Variants in SPINK1 observed in about 807,000 individuals in gnomAD.
The protein encoded by SPINK1 is serine peptidase inhibitor Kazal type 1.
A neutral mutation model predicts 9.5 loss-of-function variants in SPINK1; 5 were observed. That is an observed-to-expected ratio of 0.52 (90% confidence interval 0.27 to 1.10). The LOEUF is 1.10. Among genes scored for constraint, SPINK1 ranks in the 50% least tolerant of loss-of-function variants. The pLI is 0.11. For synonymous variants in SPINK1, 37 were observed against 32.3 expected (o/e 1.14, Z -0.49); for missense variants, 88 against 92.7 (o/e 0.95, Z 0.21).
upstream of SPINK1, among the ~76,000 whole-genome samples, chr5:147,836,555 G>A (rs1167643152): frequency 1.3e-5 from 2 of 152,028 alleles, no homozygotes; most frequent in African/African-American, 4.8e-5. Flanking sequence ...ACACAGTCAA[G>A]TACACTGTTA....
chr5:147,828,934 C>T (rs1022524491), intron 2 of SPINK1, among the ~76,000 whole-genome samples: 10 of 151,606 alleles, frequency 6.6e-5, no homozygotes, highest in African/African-American at 1.5e-4. Context: ...TCAGTTACTT[C>T]GGAGCACCCT....
At chr5:147,838,950 A>G in the SPINK1 span, among the ~76,000 whole-genome samples, 1 of 151,962 alleles carries the variant, frequency 6.6e-6, no homozygotes, top group African/African-American at 2.4e-5. Context: ...TCTGCCTCTC[A>G]CCAACACTGT....
At chr5:147,838,541 A>G in the SPINK1 span, among the ~76,000 whole-genome samples, 2 of 152,178 alleles carry the variant, frequency 1.3e-5, no homozygotes, top group South Asian at 2.1e-4. Context: ...GATGTGTTGT[A>G]TATGTCTCCA....
the SPINK1 span, among the ~76,000 whole-genome samples, chr5:147,836,766 T>C: frequency 1.3e-5 from 2 of 152,206 alleles, no homozygotes; most frequent in Non-Finnish European, 2.9e-5. Context: ...AACTTACAAA[T>C]GTATGTTACT....
upstream of SPINK1, among the ~76,000 whole-genome samples, chr5:147,836,087 T>G (rs1362269235): frequency 6.6e-6 from 1 of 152,092 alleles, no homozygotes; most frequent in Non-Finnish European, 1.5e-5. Flanking sequence ...ATAATTACAT[T>G]GATTACATCC....
At position 147,824,701 on chromosome 5, in the gene SPINK1, C is replaced by T. The variant is rs35523678; in HGVS notation, c.200G>A (p.Arg67His). Residue 67 changes from arginine (R) to histidine (H), a missense_variant, in exon 4 of 4, where the codon CGC becomes CAC. Coordinates refer to ENST00000296695, the MANE Select transcript of SPINK1 (RefSeq NM_001379610.1). ...TTTTTGAATGAGGATAGAAGTCTGG[C>T]GTTTCCTGCAGTAGAGATTAAAAAA... ...ECVLCFENRK[R>H]QTSILIQKSG... 3,172 of 1,613,846 alleles carry T rather than the reference C, an allele frequency of 2.0e-3. 42 individuals carry two copies. In the African/African-American group the frequency reaches 0.033, roughly 17 times the overall value.
the SPINK1 span, among the ~76,000 whole-genome samples, chr5:147,838,085 A>T: frequency 6.6e-6 from 1 of 152,134 alleles, no homozygotes; most frequent in African/African-American, 2.4e-5. Context: ...AATGCCTCCC[A>T]TCAGCTCTTT....
In SPINK1 at chr5:147,824,670, C is replaced by T. The variant is rs34809998; in HGVS notation, c.231G>A (p.Gly77=). ...RQTSILIQKS[G]PC ...TTCAAAACCTTGGTTCTCAGCAAGG[C>T]CCAGATTTTTGAATGAGGATAGAAG... The change falls in exon 4 of 4, where the codon GGG becomes GGA. Residue 77 remains glycine (G), a synonymous_variant. Transcript: ENST00000296695. 2,364 of 1,613,948 alleles carry T rather than the reference C, an allele frequency of 1.5e-3. 36 individuals are homozygous for T. The African/African-American group carries it at 0.029, about 20-fold the overall frequency.
At chr5:147,831,737 A>G (rs940322945), upstream of SPINK1, 21 of 1,483,168 alleles carry the variant, frequency 1.4e-5, no homozygotes, top group African/African-American at 2.5e-4. Context: ...ACTCTGTGTC[A>G]TAGCCTGGCC....
upstream of SPINK1, chr5:147,831,810 T>C: frequency 7.2e-7 from 1 of 1,392,634 alleles, no homozygotes; most frequent in Non-Finnish European, 9.3e-7. Flanking sequence ...GCCTGAAACA[T>C]GCAAGGCAAA....
chr5:147,829,093 T>C (rs1044784402), intron 2 of SPINK1, among the ~76,000 whole-genome samples: 5 of 152,184 alleles, frequency 3.3e-5, no homozygotes, highest in African/African-American at 1.2e-4. Context: ...CAGGGACACT[T>C]CTTCCTCTGG....
intron 1 of SPINK1, among the ~76,000 whole-genome samples, chr5:147,831,035 G>A (rs1167196188): frequency 6.6e-6 from 1 of 151,864 alleles, no homozygotes. Flanking sequence ...AGCTATTCAG[G>A]GATAAATCTG....
intron 3 of SPINK1, 149 bp from the exon 4 acceptor site, chr5:147,824,855 A>G (rs895828483): frequency 5.5e-6 from 4 of 731,082 alleles, no homozygotes; most frequent in Non-Finnish European, 9.2e-6. Context: ...TCATTCATTT[A>G]TACATTCACT....
chr5:147,824,934 A>T (rs1160420568), intron 3 of SPINK1, among the ~76,000 whole-genome samples: 1 of 152,218 alleles, frequency 6.6e-6, no homozygotes, highest in African/African-American at 2.4e-5. Flanking sequence ...GAAAGGAAAA[A>T]TATCTGTCCT....
At position 147,824,662 on chromosome 5, in the gene SPINK1, C is replaced by A; in HGVS notation, c.239G>T (p.Ter80LeuextTer5). Residue 80 changes from the stop codon to leucine, a stop_lost, in exon 4 of 4, where the codon TGA (stop) becomes TTA (leucine). Coordinates refer to ENST00000296695, the MANE Select transcript of SPINK1 (RefSeq NM_001379610.1). Reference protein sequence around the residue: ...SILIQKSGPC* With the variant: ...SILIQKSGPCL ...GATGGGATTTCAAAACCTTGGTTCTCAGCAAGGCCCAGATTTTTGAATGAG... is the reference window on the plus strand; with the variant it reads ...GATGGGATTTCAAAACCTTGGTTCTAAGCAAGGCCCAGATTTTTGAATGAG... 1 of 1,614,050 alleles carries A rather than the reference C, an allele frequency of 6.2e-7. No individual in the cohort carries two copies. Among genetic ancestry groups the A allele is most frequent in the East Asian group, 2.2e-5 (1 of 44,860 alleles).
Position 147,824,624 on chromosome 5 carries a change from C to G in SPINK1, c.*37G>C, listed in dbSNP as rs1413937598. 6.2e-7 allele frequency: 1 copy of G among 1,608,080 alleles called. No homozygotes were observed. Among genetic ancestry groups the G allele is most frequent in the Non-Finnish European group, 8.5e-7 (1 of 1,174,696 alleles). On this transcript the variant is annotated 3_prime_UTR_variant, in exon 4 of 4. Coordinates refer to ENST00000296695, the MANE Select transcript of SPINK1 (RefSeq NM_001379610.1). ...TATTCAACAATAAGGCCAGTCAGGC[C>G]TCGCGGTGACCTGATGGGATTTCAA...
upstream of SPINK1, among the ~76,000 whole-genome samples, chr5:147,833,855 A>G (rs79235957): frequency 3.4e-3 from 521 of 152,242 alleles, 3 homozygotes; most frequent in African/African-American, 0.012. Context: ...TTCTATCTTT[A>G]TTCCCCAAGA....
upstream of SPINK1, among the ~76,000 whole-genome samples, chr5:147,833,882 A>T (rs1351880971): frequency 6.6e-6 from 1 of 152,104 alleles, no homozygotes; most frequent in Non-Finnish European, 1.5e-5. Context: ...TCCTTGCTCA[A>T]TCTGGTCATT....
intron 3 of SPINK1, among the ~76,000 whole-genome samples, chr5:147,826,653 A>T (rs1318138668): frequency 1.3e-5 from 2 of 152,238 alleles, no homozygotes; most frequent in African/African-American, 2.4e-5. Context: ...AACATGGGTC[A>T]TGAGAAAACT....
Sources: allele counts gnomAD v4.1 joint callset (sites outside exome capture counted in the v4.1 genomes callset), GRCh38; gene constraint gnomAD v4.1.1; transcripts MANE v1.5; gene names NCBI Gene and HGNC (gene_info 2026-07-23, HGNC 2026-07-21).